Variants in NDRG3 observed in about 807,000 individuals in gnomAD.
NDRG3 encodes the protein protein NDRG3.
A neutral mutation model predicts 57.2 loss-of-function variants in NDRG3; 23 were observed. The ratio of observed to expected loss-of-function variants is 0.40; its 90% CI spans 0.29 to 0.57. The LOEUF is 0.57. Ranked by LOEUF, NDRG3 falls within the 20% of genes least tolerant of loss-of-function variation. The probability of loss-of-function intolerance (pLI) is 0.42; values close to 1 mark genes in which losing one functional copy is unlikely to be tolerated. For missense variants in NDRG3, 384 were observed against 457.3 expected (o/e 0.84, Z 1.46); for synonymous variants, 132 against 162.6 (o/e 0.81, Z 1.43).
At chr20:36,721,070 C>T (rs1157859439) in intron 2 of NDRG3, among the ~76,000 whole-genome samples, 4 of 151,862 alleles carry the variant, frequency 2.6e-5, no homozygotes, top group Non-Finnish European at 5.9e-5. Flanking sequence ...GCCACTGCGC[C>T]CAGCCCCACC....
chr20:36,737,063 G>T lies in NDRG3; in HGVS notation c.-49+8982C>A, dbSNP rs546634145. Among the ~76,000 whole-genome samples, 3 of 152,274 alleles carry T rather than the reference G, an allele frequency of 2.0e-5. No homozygotes were observed. In the South Asian group the frequency reaches 6.2e-4, roughly 32 times the overall value. On this transcript the variant is annotated intron_variant, in intron 1 of 15. Coordinates refer to ENST00000349004, the MANE Select transcript of NDRG3 (RefSeq NM_032013.4). The stretch of plus-strand genomic sequence containing the variant: ...GGTTCTGGCAGCAGGTGGTAAATGA[G>T]AGGTTTGTAGAGACTGCCAAGCTGG...
At chr20:36,708,645 C>T (rs368524053) in intron 2 of NDRG3, among the ~76,000 whole-genome samples, 1 of 114,840 alleles carries the variant, frequency 8.7e-6, no homozygotes, top group African/African-American at 3.3e-5. Flanking sequence ...GAGACTCCGT[C>T]TCAAAAAAAA....
At chr20:36,656,304 A>G (rs1241176097) in intron 15 of NDRG3, 56 bp downstream of exon 15, 2 of 1,564,766 alleles carry the variant, frequency 1.3e-6, no homozygotes, top group Non-Finnish European at 8.8e-7. Flanking sequence ...CCAGATGTGA[A>G]ACTGGCTCCC....
At position 36,703,892 on chromosome 20, in the gene NDRG3, A is replaced by G. The variant is rs868734915; in HGVS notation, c.93+3080T>C. Reference sequence around the variant, plus strand: ...TAATATTAAAAAGTGACTCATAATTATATTTCTAAAACTCAATTTCATATC... The same window carrying G: ...TAATATTAAAAAGTGACTCATAATTGTATTTCTAAAACTCAATTTCATATC... On this transcript the variant is annotated intron_variant, in intron 3 of 15. Coordinates refer to ENST00000349004, the MANE Select transcript of NDRG3 (RefSeq NM_032013.4). Among the ~76,000 whole-genome samples the G allele has an allele frequency of 3.9e-5, 6 of 152,190 alleles. No homozygotes were observed. The South Asian group carries it at 1.0e-3, about 26-fold the overall frequency.
intron 2 of NDRG3, among the ~76,000 whole-genome samples, chr20:36,715,054 ATT>A (rs1491385365): frequency 3.0e-4 from 31 of 104,204 alleles, no homozygotes; most frequent in African/African-American, 8.2e-4. Flanking sequence ...ATATATATAT[ATT>A]ATATTTAAGT....
chr20:36,654,807 C>T lies in NDRG3; in HGVS notation c.947-1106G>A, dbSNP rs750653106. On this transcript the variant is annotated intron_variant, in intron 15 of 15. Transcript: ENST00000349004. ...CCAGCACAGAGGAAGGTACCTGACT[C>T]GGTGCTCAGGTGACTGAGCTGCACA... 41 of 779,624 alleles carry T rather than the reference C, an allele frequency of 5.3e-5. No homozygotes were observed. In the Admixed American group the frequency reaches 5.4e-4, roughly 10 times the overall value. 48.3% of individuals were successfully genotyped at this position (779,624 alleles called of 1,614,324 possible).
chr20:36,683,653 T>C (rs1371398095), intron 6 of NDRG3, among the ~76,000 whole-genome samples: 2 of 147,590 alleles, frequency 1.4e-5, no homozygotes, highest in Middle Eastern at 3.6e-3. Context: ...TATGTATATA[T>C]ATGTATATAT....
intron 1 of NDRG3, among the ~76,000 whole-genome samples, chr20:36,732,504 G>A (rs1441938340): frequency 6.6e-6 from 1 of 152,156 alleles, no homozygotes; most frequent in African/African-American, 2.4e-5. Context: ...CAGTGGTGCT[G>A]AGCAAAGCAT....
chr20:36,683,008 C>T (rs983133116), intron 6 of NDRG3, among the ~76,000 whole-genome samples: 19 of 151,980 alleles, frequency 1.3e-4, no homozygotes, highest in Admixed American at 2.6e-4. Context: ...TTTGGGAGGC[C>T]GAGGCGAGCG....
intron 4 of NDRG3, 61 bp downstream of exon 4, chr20:36,688,618 G>C: frequency 1.6e-6 from 2 of 1,228,888 alleles, no homozygotes; most frequent in South Asian, 2.4e-5. Flanking sequence ...GTTGTTGTTT[G>C]GTTTTTAACA....
intron 2 of NDRG3, among the ~76,000 whole-genome samples, chr20:36,712,297 T>A (rs1188953883): frequency 6.6e-6 from 1 of 151,676 alleles, no homozygotes; most frequent in East Asian, 1.9e-4. Context: ...TTATTCTCTG[T>A]ACTCATTAAA....
chr20:36,725,926 CTTT>C (rs35120120), intron 1 of NDRG3, among the ~76,000 whole-genome samples: 4 of 123,626 alleles, frequency 3.2e-5, no homozygotes, highest in African/African-American at 6.0e-5. Context: ...CCTAGTGTTC[CTTT>C]TTTTTTTTTT....
intron 2 of NDRG3, among the ~76,000 whole-genome samples, chr20:36,717,077 T>C (rs1984318866): frequency 6.6e-6 from 1 of 152,230 alleles, no homozygotes; most frequent in African/African-American, 2.4e-5. Context: ...AAAAATCATT[T>C]CATATGCCCA....
At chr20:36,715,095 T>C (rs1228175964) in intron 2 of NDRG3, among the ~76,000 whole-genome samples, 5 of 142,162 alleles carry the variant, frequency 3.5e-5, no homozygotes, top group Admixed American at 1.5e-4. Context: ...CTTCAAAATA[T>C]ACTAAGAAAC....
At chr20:36,694,924 A>G (rs1982648473) in intron 3 of NDRG3, among the ~76,000 whole-genome samples, 1 of 152,062 alleles carries the variant, frequency 6.6e-6, no homozygotes, top group Non-Finnish European at 1.5e-5. Flanking sequence ...TGCTCGGCTA[A>G]TTTTTGTACT....
intron 9 of NDRG3, among the ~76,000 whole-genome samples, chr20:36,667,098 CTT>C (rs1979698060): frequency 1.3e-5 from 2 of 152,236 alleles, no homozygotes; most frequent in South Asian, 4.1e-4. Flanking sequence ...GGCTACATTT[CTT>C]TTAATAACCA....
At chr20:36,725,254 G>A (rs1263256985) in intron 1 of NDRG3, among the ~76,000 whole-genome samples, 3 of 149,994 alleles carry the variant, frequency 2.0e-5, no homozygotes, top group South Asian at 4.2e-4. Flanking sequence ...CTGAGATTGC[G>A]CCACCGCACT....
At chr20:36,679,443 C>T (rs1359441615) in intron 8 of NDRG3, among the ~76,000 whole-genome samples, 5 of 152,000 alleles carry the variant, frequency 3.3e-5, no homozygotes, top group East Asian at 1.9e-4. Context: ...AGAAACAACT[C>T]GTTCTGTGTA....
chr20:36,684,561 G>T, intron 5 of NDRG3, 86 bp from the exon 6 acceptor site: 1 of 1,228,418 alleles, frequency 8.1e-7, no homozygotes, highest in Non-Finnish European at 1.2e-6. Flanking sequence ...AGAAGTCTTA[G>T]ATAAAAGGCT....
Sources: allele counts gnomAD v4.1 joint callset (sites outside exome capture counted in the v4.1 genomes callset), GRCh38; gene constraint gnomAD v4.1.1; transcripts MANE v1.5; gene names NCBI Gene and HGNC (gene_info 2026-07-23, HGNC 2026-07-21).